Variants in ROBO2 observed in about 807,000 individuals in gnomAD.
ROBO2 encodes roundabout homolog 2.
Under a neutral mutation model 160.8 loss-of-function variants are expected in ROBO2, and 53 were observed. That is an observed-to-expected ratio of 0.33 (90% CI 0.26 to 0.41). The LOEUF (loss-of-function observed/expected upper bound fraction) is 0.41, where lower values mean the gene tolerates loss of function less well. Among genes scored for constraint, ROBO2 ranks in the 10% least tolerant of loss-of-function variants. The probability of loss-of-function intolerance (pLI) is 1.00; values close to 1 mark genes in which losing one functional copy is unlikely to be tolerated. For missense variants in ROBO2, 1,577 were observed against 1,722.4 expected (o/e 0.92, Z 1.49); for synonymous variants, 664 against 611.7 (o/e 1.09, Z -1.26).
chr3:76,519,847 C>T (rs2081512609), intron 2 of ROBO2, among the ~76,000 whole-genome samples: 1 of 152,114 alleles, frequency 6.6e-6, no homozygotes, highest in African/African-American at 2.4e-5. Context: ...TCCCTTTTCC[C>T]AGCGCTCTGA....
At chr3:76,068,061 G>C (rs1450928840) in intron 2 of ROBO2, among the ~76,000 whole-genome samples, 1 of 152,166 alleles carries the variant, frequency 6.6e-6, no homozygotes, top group East Asian at 1.9e-4. Context: ...ATGGAGGGTG[G>C]ACGGTTACAA....
chr3:77,598,438 T>TATATATATTTATTTATATAGA (rs1559695519), intron 19 of ROBO2, among the ~76,000 whole-genome samples: 1 of 147,408 alleles, frequency 6.8e-6, no homozygotes, highest in African/African-American at 2.5e-5. Flanking sequence ...TAGATGAATA[T>TATATATATTTATTTATATAGA]ATATATATAT....
chr3:76,062,283 G>A (rs527921962), intron 2 of ROBO2, among the ~76,000 whole-genome samples: 13 of 151,910 alleles, frequency 8.6e-5, no homozygotes, highest in Admixed American at 5.9e-4. Context: ...AAAACAGCAC[G>A]TCTAAAATAA....
At chr3:76,511,181 G>A (rs9854040) in intron 2 of ROBO2, among the ~76,000 whole-genome samples, 92,807 of 151,968 alleles carry the variant, frequency 0.61, 28,653 homozygotes, top group African/African-American at 0.69. Flanking sequence ...GCCAGGGACA[G>A]ATAACTGTGC....
chr3:77,056,721 A>T (rs1471448460), intron 1 of ROBO2, among the ~76,000 whole-genome samples: 1 of 152,182 alleles, frequency 6.6e-6, no homozygotes, highest in Non-Finnish European at 1.5e-5. Context: ...TTTCAAATGT[A>T]TTATTGCTTA....
At chr3:76,172,356 A>G (rs13075067) in intron 2 of ROBO2, among the ~76,000 whole-genome samples, 15,348 of 150,292 alleles carry the variant, frequency 0.1, 932 homozygotes, top group African/African-American at 0.17. Context: ...GGTGCAGCGC[A>G]TCAACATGGC....
chr3:76,425,532 G>T (rs964535753), intron 2 of ROBO2, among the ~76,000 whole-genome samples: 1 of 137,080 alleles, frequency 7.3e-6, no homozygotes, highest in East Asian at 2.2e-4. Flanking sequence ...GTGTCTGTGT[G>T]TGTGTGTGTC....
intron 2 of ROBO2, among the ~76,000 whole-genome samples, chr3:76,067,030 C>G (rs922670006): frequency 7.9e-5 from 12 of 152,090 alleles, no homozygotes; most frequent in African/African-American, 2.9e-4. Flanking sequence ...ATACGAGTCT[C>G]CAGCTCAATG....
chr3:76,289,665 G>T (rs1708708208), intron 2 of ROBO2, among the ~76,000 whole-genome samples: 2 of 152,044 alleles, frequency 1.3e-5, no homozygotes, highest in Non-Finnish European at 2.9e-5. Context: ...GTTGATTTTT[G>T]TATATGGTAA....
rs1056876352 is a variant in ROBO2, at chr3:76,958,524, C to T, written c.110-139490C>T. On this transcript the variant is annotated intron_variant, in intron 2 of 26. Coordinates refer to the ROBO2 transcript ENST00000487694. ...TTTTGTACTAGTCTCCTATCTCTAG[C>T]TTGTGGACTTACATTGCTTGTGAAT... Among the ~76,000 whole-genome samples, 5 of 152,342 alleles carry T rather than the reference C, an allele frequency of 3.3e-5. No homozygotes were observed. The South Asian group carries it at 6.2e-4, about 19-fold the overall frequency.
chr3:77,317,421 C>T (rs976041277), intron 2 of ROBO2: 31 of 1,449,228 alleles, frequency 2.1e-5, no homozygotes, highest in Non-Finnish European at 2.8e-5. Context: ...GTCAGTCCAT[C>T]GGTACCTGGT....
At chr3:76,534,350 C>T (rs115066286) in intron 2 of ROBO2, among the ~76,000 whole-genome samples, 2 of 152,000 alleles carry the variant, frequency 1.3e-5, no homozygotes, top group East Asian at 1.9e-4. Context: ...ATGTAGGTGG[C>T]GATGAGTTTT....
chr3:77,498,335 G>A (rs1224001658), intron 5 of ROBO2, among the ~76,000 whole-genome samples: 3 of 152,172 alleles, frequency 2.0e-5, no homozygotes, highest in African/African-American at 7.2e-5. Context: ...TTTTACGTAT[G>A]CCTGCAAATT....
intron 2 of ROBO2, among the ~76,000 whole-genome samples, chr3:76,653,226 T>C (rs966104113): frequency 2.6e-5 from 4 of 152,006 alleles, no homozygotes; most frequent in South Asian, 2.1e-4. Context: ...ATATATTGTC[T>C]TCTTTTTGAG....
At chr3:76,433,980 C>A in intron 2 of ROBO2, 1 of 801,914 alleles carries the variant, frequency 1.2e-6, no homozygotes, top group Non-Finnish European at 2.2e-6. Context: ...AAATTAAGGG[C>A]AGTCCAGAGG....
At chr3:76,820,963 T>C (rs1275045182) in intron 2 of ROBO2, among the ~76,000 whole-genome samples, 2 of 151,884 alleles carry the variant, frequency 1.3e-5, no homozygotes, top group Non-Finnish European at 2.9e-5. Flanking sequence ...GTAAATGATG[T>C]TTGACTTAAA....
chr3:76,814,629 G>T (rs2065502775), intron 2 of ROBO2, among the ~76,000 whole-genome samples: 1 of 151,768 alleles, frequency 6.6e-6, no homozygotes, highest in Non-Finnish European at 1.5e-5. Context: ...TATTTATCCT[G>T]CAAAACCTAC....
intron 2 of ROBO2, among the ~76,000 whole-genome samples, chr3:77,182,927 T>C (rs2080928481): frequency 6.6e-6 from 1 of 152,056 alleles, no homozygotes; most frequent in Admixed American, 6.6e-5. Flanking sequence ...CATTTCTGTA[T>C]GTTTGGTAAG....
intron 2 of ROBO2, among the ~76,000 whole-genome samples, chr3:76,329,997 G>C (rs1156698199): frequency 6.6e-6 from 1 of 152,146 alleles, no homozygotes; most frequent in Non-Finnish European, 1.5e-5. Flanking sequence ...TCTGAATACA[G>C]GAGTGTGAAA....
Sources: allele counts gnomAD v4.1 joint callset (sites outside exome capture counted in the v4.1 genomes callset), GRCh38; gene constraint gnomAD v4.1.1; transcripts MANE v1.5; gene names NCBI Gene and HGNC (gene_info 2026-07-23, HGNC 2026-07-21).